Variants in SLC10A7 observed in about 807,000 individuals in gnomAD.
The protein encoded by SLC10A7 is solute carrier family 10 member 7.
A neutral mutation model predicts 43.2 loss-of-function variants in SLC10A7; 29 were observed. That is an observed-to-expected ratio of 0.67 (90% CI 0.50 to 0.92). The LOEUF (loss-of-function observed/expected upper bound fraction) is 0.92, where lower values mean the gene tolerates loss of function less well. SLC10A7 is among the 40% of genes least tolerant of loss of function. The pLI is 0.00. For synonymous variants in SLC10A7, 152 were observed against 144.8 expected, an observed-to-expected ratio of 1.05 and a Z score of -0.35; for missense variants, 295 against 403.2, an observed-to-expected ratio of 0.73 and a Z score of 2.30.
At chr4:146,494,957 T>A (rs1449593336) in intron 4 of SLC10A7, among the ~76,000 whole-genome samples, 3 of 152,144 alleles carry the variant, frequency 2.0e-5, no homozygotes, top group Non-Finnish European at 4.4e-5. Context: ...ACAAATACAG[T>A]CAACTCTTTC....
intron 1 of SLC10A7, among the ~76,000 whole-genome samples, chr4:146,518,682 C>T (rs550625124): frequency 2.6e-5 from 4 of 151,902 alleles, no homozygotes; most frequent in South Asian, 2.1e-4. Flanking sequence ...ATCCAATAAC[C>T]GGTATTCTTA....
intron 5 of SLC10A7, among the ~76,000 whole-genome samples, chr4:146,435,555 G>C (rs974243027): frequency 4.6e-5 from 7 of 152,128 alleles, no homozygotes; most frequent in Non-Finnish European, 1.0e-4. Context: ...GATGAAGGCA[G>C]GAATCTTAAT....
chr4:146,333,967 C>T (rs538696011), intron 5 of SLC10A7, among the ~76,000 whole-genome samples: 2 of 152,156 alleles, frequency 1.3e-5, no homozygotes, highest in African/African-American at 4.8e-5. Context: ...ACCAACAGAA[C>T]AGATTCAAAA....
rs1046623812 is a variant in SLC10A7 at position 146,491,711 on chromosome 4, G to T, written c.396+12138C>A. On this transcript the variant is annotated intron_variant, in intron 4 of 11. Coordinates refer to ENST00000335472, the MANE Select transcript of SLC10A7 (RefSeq NM_001029998.6). ...AGGAAGGAAGGAAGGAAGGAAGGAA[G>T]GAAGGAAGGAAGGAAGGAAGGAAGG... Among the ~76,000 whole-genome samples, 28 of 148,016 alleles carry T rather than the reference G, an allele frequency of 1.9e-4. 1 individual carries two copies. Among genetic ancestry groups the T allele is most frequent in the African/African-American group, 6.5e-4 (26 of 40,226 alleles).
At chr4:146,324,424 T>C (rs1356938923) in intron 6 of SLC10A7, among the ~76,000 whole-genome samples, 4 of 152,300 alleles carry the variant, frequency 2.6e-5, no homozygotes, top group African/African-American at 9.6e-5. Context: ...GCCTCTGAGA[T>C]ACTCCAAGAT....
chr4:146,490,668 T>C (rs1239010511), intron 4 of SLC10A7, among the ~76,000 whole-genome samples: 1 of 152,080 alleles, frequency 6.6e-6, no homozygotes, highest in Non-Finnish European at 1.5e-5. Context: ...AAGCATACAC[T>C]CTGAATAATT....
At chr4:146,453,385 A>G (rs1158912116) in intron 4 of SLC10A7, among the ~76,000 whole-genome samples, 1 of 152,046 alleles carries the variant, frequency 6.6e-6, no homozygotes, top group East Asian at 1.9e-4. Context: ...GAGAGAGCAC[A>G]TAAGCAGGAC....
At chr4:146,455,473 A>G (rs1159650144) in intron 4 of SLC10A7, among the ~76,000 whole-genome samples, 5 of 151,888 alleles carry the variant, frequency 3.3e-5, no homozygotes, top group Non-Finnish European at 5.9e-5. Flanking sequence ...TTTCTTACGA[A>G]TTTTAGACTC....
intron 5 of SLC10A7, among the ~76,000 whole-genome samples, chr4:146,376,370 C>A (rs537069929): frequency 2.0e-5 from 3 of 152,116 alleles, no homozygotes; most frequent in African/African-American, 7.2e-5. Flanking sequence ...GAAACTGCAA[C>A]CCTAAATGAG....
chr4:146,325,022 C>T (rs992900158), intron 6 of SLC10A7, among the ~76,000 whole-genome samples: 1 of 152,114 alleles, frequency 6.6e-6, no homozygotes, highest in Non-Finnish European at 1.5e-5. Context: ...TCCTACTCAG[C>T]GGGTAAGAAA....
chr4:146,413,907 A>G (rs901939827), intron 5 of SLC10A7, among the ~76,000 whole-genome samples: 1 of 152,302 alleles, frequency 6.6e-6, no homozygotes, highest in Admixed American at 6.5e-5. Context: ...AATCCAGTAG[A>G]GCTGAATATC....
intron 5 of SLC10A7, among the ~76,000 whole-genome samples, chr4:146,405,951 G>A (rs966434147): frequency 6.6e-6 from 1 of 151,880 alleles, no homozygotes; most frequent in African/African-American, 2.4e-5. Context: ...GTATTTTGGA[G>A]AAAAAAGGAT....
chr4:146,363,918 A>C (rs1307807332), intron 5 of SLC10A7, among the ~76,000 whole-genome samples: 2 of 152,072 alleles, frequency 1.3e-5, no homozygotes, highest in Non-Finnish European at 2.9e-5. Context: ...CTTCAAATAA[A>C]TAACCTAACA....
intron 9 of SLC10A7, among the ~76,000 whole-genome samples, chr4:146,288,456 C>T (rs905948862): frequency 6.6e-6 from 1 of 152,210 alleles, no homozygotes; most frequent in African/African-American, 2.4e-5. Flanking sequence ...TAAGCAACTC[C>T]CCTAAAGTCA....
intron 9 of SLC10A7, among the ~76,000 whole-genome samples, chr4:146,285,409 A>G (rs1729829214): frequency 6.6e-6 from 1 of 152,182 alleles, no homozygotes; most frequent in Admixed American, 6.5e-5. Flanking sequence ...GTACCTCCCA[A>G]CAGCTCAAGA....
chr4:146,456,312 C>G (rs1413761923), intron 4 of SLC10A7, among the ~76,000 whole-genome samples: 1 of 151,880 alleles, frequency 6.6e-6, no homozygotes, highest in Non-Finnish European at 1.5e-5. Flanking sequence ...AGAGTCACAG[C>G]TTTGTTTTAA....
At chr4:146,312,925 C>G (rs568253992) in intron 6 of SLC10A7, among the ~76,000 whole-genome samples, 1 of 152,204 alleles carries the variant, frequency 6.6e-6, no homozygotes, top group African/African-American at 2.4e-5. Context: ...ATTGAGCTTC[C>G]AGGCCATGAA....
rs1578947094 is a variant in SLC10A7 at position 146,347,766 on chromosome 4, A to G, written c.436-21770T>C. Among the ~76,000 whole-genome samples the G allele has an allele frequency of 2.0e-5, 3 of 152,160 alleles. No individual in the cohort carries two copies. The South Asian group carries it at 6.2e-4, about 32-fold the overall frequency. On this transcript the variant is annotated intron_variant, in intron 5 of 11. Transcript: ENST00000335472. ...CCCAAGTCATCAATTATGTATAGAA[A>G]TGTACAGCTACAGCAGTAGCCAGTG...
intron 5 of SLC10A7, among the ~76,000 whole-genome samples, chr4:146,405,941 G>A (rs1261665119): frequency 1.3e-5 from 2 of 152,016 alleles, no homozygotes; most frequent in Non-Finnish European, 2.9e-5. Flanking sequence ...AGACTAGCAG[G>A]TATTTTGGAG....
Sources: gnomAD v4.1 joint callset for allele counts (sites outside exome capture counted in the v4.1 genomes callset) on GRCh38, gnomAD v4.1.1 for gene constraint, MANE v1.5 for transcripts, NCBI Gene and HGNC (gene_info 2026-07-23, HGNC 2026-07-21) for gene names.